The following KCNT1 variants were observed in gnomAD, a reference collection of about 807,000 sequenced individuals.
KCNT1 encodes the protein potassium channel subfamily T member 1.
Under a neutral mutation model 147.8 loss-of-function variants are expected in KCNT1, and 78 were observed. The ratio of observed to expected loss-of-function variants is 0.53; its 90% CI spans 0.44 to 0.64. The LOEUF is 0.64. Ranked by LOEUF, KCNT1 falls within the 30% of genes least tolerant of loss-of-function variation. KCNT1 has a pLI of 0.00. For synonymous variants in KCNT1, 867 were observed against 748.8 expected, an observed-to-expected ratio of 1.16 and a Z score of -2.58; for missense variants, 1,419 against 1,750.3, an observed-to-expected ratio of 0.81 and a Z score of 3.38.
chr9:135,722,150 AG>A (rs1161304612), intron 2 of KCNT1, among the ~76,000 whole-genome samples: 2 of 152,120 alleles, frequency 1.3e-5, no homozygotes, highest in Non-Finnish European at 2.9e-5. Context: ...CCCTGGGCCC[AG>A]GGCTGGCTCA....
intron 2 of KCNT1, among the ~76,000 whole-genome samples, chr9:135,738,907 C>T (rs1007037918): frequency 9.2e-5 from 14 of 152,258 alleles, no homozygotes; most frequent in South Asian, 6.2e-4. Flanking sequence ...GGTCAGGAGA[C>T]CATCACTGCA....
chr9:135,745,684 A>G (rs59438727), intron 2 of KCNT1, among the ~76,000 whole-genome samples: 4,260 of 152,342 alleles, frequency 0.028, 183 homozygotes, highest in African/African-American at 0.097. Flanking sequence ...TCCTCGGGAC[A>G]CGCCGGGAGT....
At chr9:135,709,562 C>T (rs531813799) in intron 1 of KCNT1, among the ~76,000 whole-genome samples, 1 of 152,306 alleles carries the variant, frequency 6.6e-6, no homozygotes, top group South Asian at 2.1e-4. Flanking sequence ...TAACCACAGC[C>T]GATCACTGGC....
At chr9:135,734,794 G>A (rs982094406) in intron 2 of KCNT1, among the ~76,000 whole-genome samples, 4 of 152,174 alleles carry the variant, frequency 2.6e-5, no homozygotes, top group Admixed American at 6.5e-5. Context: ...TGAGCGAGCC[G>A]CATCCGCAGC....
intron 24 of KCNT1, among the ~76,000 whole-genome samples, chr9:135,781,748 A>G: frequency 6.6e-6 from 1 of 152,144 alleles, no homozygotes; most frequent in East Asian, 1.9e-4. Context: ...ACGACTCCGG[A>G]AGGAAAAAGG....
chr9:135,714,358 C>G lies in KCNT1; in HGVS notation c.111-219C>G, dbSNP rs1288606314. ...TTTGGAGGGAGCCCCGCCCCCTGCC[C>G]CTGCGCAGCCCCCGCCCTAGCCCCA... On this transcript the variant is annotated intron_variant, in intron 1 of 30. Coordinates refer to ENST00000371757, the MANE Select transcript of KCNT1 (RefSeq NM_020822.3). The surrounding 1 kb of genome is among the most constrained non-coding windows in gnomAD (Gnocchi z 6.2). 1 of 152,724 alleles carries G rather than the reference C, an allele frequency of 6.5e-6. No individual in the cohort carries two copies. The highest frequency in any genetic ancestry group is 2.4e-5 in the African/African-American group (1 of 41,326). 9.5% of individuals were successfully genotyped at this position (152,724 alleles called of 1,614,324 possible). A position where few individuals can be genotyped will look rare whatever the true frequency, so the allele number is the denominator to read the frequency against.
chr9:135,758,181 G>T (rs941189209), intron 9 of KCNT1, among the ~76,000 whole-genome samples: 52 of 150,986 alleles, frequency 3.4e-4, no homozygotes, highest in Admixed American at 1.2e-3. Flanking sequence ...GTGTGGCCAG[G>T]TGCAGGCTGC....
chr9:135,779,230 T>A, intron 23 of KCNT1, 129 bp from the exon 24 acceptor site: 2 of 395,740 alleles, frequency 5.1e-6, no homozygotes, highest in Non-Finnish European at 8.7e-6. Flanking sequence ...CAGTGGGCCC[T>A]GCCCTGAGAC....
chr9:135,749,332 C>A (rs78847537), intron 2 of KCNT1, among the ~76,000 whole-genome samples: 1 of 152,312 alleles, frequency 6.6e-6, no homozygotes, highest in East Asian at 1.9e-4. Context: ...CTGCCACCCC[C>A]GGCAACTGGC....
Position 135,730,364 on chromosome 9 carries a change from G to A in KCNT1, c.254+15644G>A, listed in dbSNP as rs1401024850. 2.6e-5 allele frequency among the ~76,000 whole-genome samples: 4 copies of A among 152,202 alleles called. No homozygotes were observed. Among genetic ancestry groups the A allele is most frequent in the East Asian group, 1.9e-4 (1 of 5,196 alleles). Reference sequence around the variant, plus strand: ...CCATGACTATGTAACCATGCGTGGCGAGGGGGACCACACGTGGTGAGGGGG... The same window carrying A: ...CCATGACTATGTAACCATGCGTGGCAAGGGGGACCACACGTGGTGAGGGGG... On this transcript the variant is annotated intron_variant, in intron 2 of 30. Transcript: ENST00000371757. The surrounding 1 kb of genome is among the most constrained non-coding windows in gnomAD (Gnocchi z 4.7).
At chr9:135,748,990 C>T (rs2131404498) in intron 2 of KCNT1, among the ~76,000 whole-genome samples, 1 of 152,310 alleles carries the variant, frequency 6.6e-6, no homozygotes, top group Non-Finnish European at 1.5e-5. Context: ...CAGCCCAGCA[C>T]CCCAGGGCAC....
intron 2 of KCNT1, among the ~76,000 whole-genome samples, chr9:135,731,991 T>TATATATATAG (rs1276318460): frequency 6.9e-4 from 15 of 21,722 alleles, no homozygotes; most frequent in South Asian, 2.2e-3. Flanking sequence ...TATATATATA[T>TATATATATAG]AGAGAGAGAG....
At chr9:135,754,026 C>T (rs775284922) in intron 5 of KCNT1, 33 bp downstream of exon 5, 10 of 1,601,030 alleles carry the variant, frequency 6.2e-6, no homozygotes, top group African/African-American at 1.3e-5. Context: ...AATAGCCAGG[C>T]GCTCAGAGGC....
chr9:135,746,667 A>T (rs1830849244), intron 2 of KCNT1, among the ~76,000 whole-genome samples: 1 of 151,742 alleles, frequency 6.6e-6, no homozygotes, highest in African/African-American at 2.4e-5. Context: ...AGGTAAAGGG[A>T]GGAGCAGGAG....
chr9:135,758,624 C>T (rs1196952367), intron 10 of KCNT1, 116 bp downstream of exon 10: 3 of 836,582 alleles, frequency 3.6e-6, no homozygotes, highest in Non-Finnish European at 5.8e-6. Flanking sequence ...CAGAAAAGGC[C>T]ACAGTGCCTG....
intron 2 of KCNT1, among the ~76,000 whole-genome samples, chr9:135,717,217 G>A (rs897847295): frequency 1.3e-5 from 2 of 150,546 alleles, no homozygotes; most frequent in Non-Finnish European, 3.0e-5. Context: ...TGGCCCCAGT[G>A]GTGTTGGTGT....
intron 2 of KCNT1, among the ~76,000 whole-genome samples, chr9:135,746,910 G>C (rs1830860291): frequency 6.6e-6 from 1 of 152,170 alleles, no homozygotes; most frequent in African/African-American, 2.4e-5. Context: ...CTCTGGTCTA[G>C]GGGAGGGGAG....
At chr9:135,762,270 T>C (rs768597705) in intron 11 of KCNT1, among the ~76,000 whole-genome samples, 1 of 152,114 alleles carries the variant, frequency 6.6e-6, no homozygotes, top group African/African-American at 2.4e-5. Flanking sequence ...GTAGAGAGAC[T>C]CCCATCTCTA....
Position 135,733,163 on chromosome 9 carries a change from T to C in KCNT1, c.255-16935T>C, listed in dbSNP as rs776459491. Among the ~76,000 whole-genome samples, 31 of 151,584 alleles carry C rather than the reference T, an allele frequency of 2.0e-4. 1 individual carries two copies. The highest frequency in any genetic ancestry group is 3.9e-4 in the Admixed American group (6 of 15,232). On this transcript the variant is annotated intron_variant, in intron 2 of 30. Transcript: ENST00000371757. ...TACTATGCTTGTTTGTTGTCCTGGGTTAGTGCAGCCCTCATACCTGCCCCC... is the reference window on the plus strand; with the variant it reads ...TACTATGCTTGTTTGTTGTCCTGGGCTAGTGCAGCCCTCATACCTGCCCCC...
Sources: allele counts gnomAD v4.1 joint callset (sites outside exome capture counted in the v4.1 genomes callset), GRCh38; gene constraint gnomAD v4.1.1; non-coding constraint Gnocchi (gnomAD v3.1); transcripts MANE v1.5; gene names NCBI Gene and HGNC (gene_info 2026-07-23, HGNC 2026-07-21).